UAP1: variants seen among roughly 807,000 people sequenced by gnomAD.
UAP1 encodes UDP-N-acetylglucosamine pyrophosphorylase 1.
UAP1 carries 25 observed loss-of-function variants against 58.5 expected under a neutral mutation model. The ratio of observed to expected loss-of-function variants is 0.43; its 90% CI spans 0.31 to 0.60. The LOEUF (loss-of-function observed/expected upper bound fraction) is 0.60, where lower values mean the gene tolerates loss of function less well. Ranked by LOEUF, UAP1 falls within the 20% of genes least tolerant of loss-of-function variation. The pLI is 0.11. For synonymous variants in UAP1, 208 were observed against 213.0 expected, an observed-to-expected ratio of 0.98 and a Z score of 0.21; for missense variants, 575 against 630.0, an observed-to-expected ratio of 0.91 and a Z score of 0.93.
chr1:162,577,563 C>T (rs183169684), intron 3 of UAP1, among the ~76,000 whole-genome samples: 1 of 150,350 alleles, frequency 6.7e-6, no homozygotes, highest in African/African-American at 2.4e-5. Flanking sequence ...ATCCTCCTAC[C>T]TCAGCCTCCC....
intron 3 of UAP1, among the ~76,000 whole-genome samples, chr1:162,577,439 T>C (rs1654267854): frequency 1.8e-5 from 2 of 111,716 alleles, no homozygotes; most frequent in African/African-American, 8.1e-5. Context: ...CCTTCCCTTT[T>C]TTTTTTTTTT....
intron 2 of UAP1, among the ~76,000 whole-genome samples, chr1:162,570,309 T>C (rs1477548301): frequency 6.6e-6 from 1 of 152,226 alleles, no homozygotes; most frequent in Non-Finnish European, 1.5e-5. Context: ...ATTGGGATTG[T>C]GTATAGTTTT....
chr1:162,565,556 A>G (rs150285897), intron 1 of UAP1, among the ~76,000 whole-genome samples: 1,843 of 152,326 alleles, frequency 0.012, 14 homozygotes, highest in Non-Finnish European at 0.02. Context: ...TAGTATTTCT[A>G]TCATTAGAGA....
chr1:162,587,276 T>C (rs1285200330), intron 5 of UAP1, among the ~76,000 whole-genome samples, 199 bp from the exon 6 acceptor site: 1 of 152,184 alleles, frequency 6.6e-6, no homozygotes, highest in Non-Finnish European at 1.5e-5. Context: ...AGGAAGGAAA[T>C]AATATACCTC....
chr1:162,577,383 C>CT (rs1172373671), intron 3 of UAP1, among the ~76,000 whole-genome samples: 1 of 144,666 alleles, frequency 6.9e-6, no homozygotes, highest in Non-Finnish European at 1.5e-5. Context: ...TACTAGTATG[C>CT]TGTATTCTCA....
intron 2 of UAP1, among the ~76,000 whole-genome samples, chr1:162,570,999 T>C (rs1653822024): frequency 6.6e-6 from 1 of 152,114 alleles, no homozygotes; most frequent in Middle Eastern, 3.4e-3. Context: ...GTGAATGTTA[T>C]CAGAAAAAGT....
intron 2 of UAP1, among the ~76,000 whole-genome samples, chr1:162,567,866 C>G (rs780609384): frequency 6.6e-6 from 1 of 152,074 alleles, no homozygotes; most frequent in Non-Finnish European, 1.5e-5. Context: ...GTGTGATCCT[C>G]ACTCACTGCA....
chr1:162,582,754 G>A (rs1654665778), intron 5 of UAP1, among the ~76,000 whole-genome samples: 1 of 152,160 alleles, frequency 6.6e-6, no homozygotes, highest in African/African-American at 2.4e-5. Flanking sequence ...TGAAATATCT[G>A]TATTTAAAAA....
At chr1:162,588,870 G>A (rs1557977096) in intron 7 of UAP1, 37 bp downstream of exon 7, 1 of 1,563,964 alleles carries the variant, frequency 6.4e-7, no homozygotes, top group Non-Finnish European at 8.6e-7. Flanking sequence ...TTAAATAAAT[G>A]TCTTAAAATG....
At chr1:162,570,117 C>A (rs924349836) in intron 2 of UAP1, among the ~76,000 whole-genome samples, 2 of 151,192 alleles carry the variant, frequency 1.3e-5, no homozygotes, top group Non-Finnish European at 2.9e-5. Flanking sequence ...CCACTGTACT[C>A]CAGCCTGGTT....
intron 8 of UAP1, among the ~76,000 whole-genome samples, chr1:162,592,314 G>C (rs755187845): frequency 6.6e-6 from 1 of 152,160 alleles, no homozygotes; most frequent in Admixed American, 6.5e-5. Flanking sequence ...GCTTGAACCC[G>C]GGAGGGAGAA....
intron 2 of UAP1, among the ~76,000 whole-genome samples, chr1:162,573,572 G>A (rs1653996655): frequency 6.6e-6 from 1 of 152,168 alleles, no homozygotes; most frequent in Non-Finnish European, 1.5e-5. Context: ...AGGGAAGGAA[G>A]AAAGAAGATT....
chr1:162,585,730 G>T (rs1026214062), intron 5 of UAP1, among the ~76,000 whole-genome samples: 2 of 151,810 alleles, frequency 1.3e-5, no homozygotes, highest in African/African-American at 4.8e-5. Flanking sequence ...TATTTTTATG[G>T]CTGGTTGGGA....
chr1:162,589,756 A>T (rs977415319), intron 7 of UAP1, among the ~76,000 whole-genome samples: 2 of 152,128 alleles, frequency 1.3e-5, no homozygotes, highest in African/African-American at 4.8e-5. Context: ...GGATGACTTG[A>T]GGCCAAGGAG....
chr1:162,589,957 TGA>T (rs1387711951), intron 7 of UAP1, among the ~76,000 whole-genome samples: 2 of 151,822 alleles, frequency 1.3e-5, no homozygotes, highest in African/African-American at 4.8e-5. Flanking sequence ...GGTGACAGAG[TGA>T]GACTCCGTCT....
At chr1:162,585,676 G>A (rs1197472982) in intron 5 of UAP1, among the ~76,000 whole-genome samples, 1 of 152,098 alleles carries the variant, frequency 6.6e-6, no homozygotes, top group Non-Finnish European at 1.5e-5. Flanking sequence ...AGTTGCCATA[G>A]AAGTAAACCT....
At chr1:162,576,431 G>A (rs1654182033) in intron 2 of UAP1, among the ~76,000 whole-genome samples, 2 of 152,126 alleles carry the variant, frequency 1.3e-5, no homozygotes, top group Admixed American at 1.3e-4. Context: ...ATTGTTTGGT[G>A]TTCGGTTGGG....
chr1:162,581,136 A>G, intron 4 of UAP1, 151 bp from the exon 5 acceptor site: 1 of 797,174 alleles, frequency 1.3e-6, no homozygotes, highest in Non-Finnish European at 1.9e-6. Context: ...TTTTTTTGAC[A>G]CCTGATTCCT....
intron 5 of UAP1, among the ~76,000 whole-genome samples, chr1:162,584,228 GT>G (rs1654777110): frequency 6.6e-6 from 1 of 152,136 alleles, no homozygotes; most frequent in African/African-American, 2.4e-5. Flanking sequence ...GACACTCACT[GT>G]TTAGTCCTGT....
Sources: allele counts gnomAD v4.1 joint callset (sites outside exome capture counted in the v4.1 genomes callset), GRCh38; gene constraint gnomAD v4.1.1; transcripts MANE v1.5; gene names NCBI Gene and HGNC (gene_info 2026-07-23, HGNC 2026-07-21).